The following PRKAR1A variants were observed in gnomAD, a reference collection of about 807,000 sequenced individuals.
PRKAR1A encodes cAMP-dependent protein kinase type I-alpha regulatory subunit.
PRKAR1A carries 3 observed loss-of-function variants against 52.0 expected under a neutral mutation model. The observed-to-expected ratio is 0.06, with a 90% confidence interval of 0.03 to 0.15. PRKAR1A has a LOEUF of 0.15. PRKAR1A is among the 10% of genes least tolerant of loss of function. The pLI is 1.00. For missense variants in PRKAR1A, 240 were observed against 477.4 expected, an observed-to-expected ratio of 0.50 and a Z score of 4.63; for synonymous variants, 188 against 168.4, an observed-to-expected ratio of 1.12 and a Z score of -0.90.
At chr17:68,540,191 A>G (rs1056883050) in intron 11 of PRKAR1A, among the ~76,000 whole-genome samples, 19 of 152,228 alleles carry the variant, frequency 1.2e-4, no homozygotes, top group Non-Finnish European at 4.4e-5. Flanking sequence ...TTCAAGTCTA[A>G]GGCTTTCACC....
the PRKAR1A span, chr17:68,457,526 T>TACCCCGCCCCGTCCCCACCCCGCCCCC: frequency 2.0e-6 from 1 of 497,922 alleles, no homozygotes; most frequent in Non-Finnish European, 2.5e-6. Flanking sequence ...GCCCCGCCCC[T>TACCCCGCCCCGTCCCCACCCCGCCCCC]ACCCCGCCCC....
At position 68,531,362 on chromosome 17, in the gene PRKAR1A, C is replaced by T; in HGVS notation, c.*913C>T. 1 of 1,065,836 alleles carries T rather than the reference C, an allele frequency of 9.4e-7. No homozygotes were observed. Among genetic ancestry groups the T allele is most frequent in the Non-Finnish European group, 1.1e-6 (1 of 879,488 alleles). 66.0% of individuals were successfully genotyped at this position (1,065,836 alleles called of 1,614,324 possible). A position where few individuals can be genotyped will look rare whatever the true frequency, so the allele number is the denominator to read the frequency against. ...CTTCAGCTGACTCCAGTATAATCTCCTCTGCTCATTAAACTGATTCCAGGA... is the reference window on the plus strand; with the variant it reads ...CTTCAGCTGACTCCAGTATAATCTCTTCTGCTCATTAAACTGATTCCAGGA... On this transcript the variant is annotated 3_prime_UTR_variant, in exon 11 of 11. Transcript: ENST00000589228.
the PRKAR1A span, among the ~76,000 whole-genome samples, chr17:68,456,379 C>CAGAAACTGGTACAGCAGGAAGTG: frequency 6.6e-6 from 1 of 152,180 alleles, no homozygotes; most frequent in African/African-American, 2.4e-5. Flanking sequence ...AGCCAAGGCA[C>CAGAAACTGGTACAGCAGGAAGTG]AGAAACTGGT....
chr17:68,415,031 G>T, the PRKAR1A span, among the ~76,000 whole-genome samples: 3 of 151,852 alleles, frequency 2.0e-5, no homozygotes, highest in Non-Finnish European at 2.9e-5. Context: ...ATTTCATTTA[G>T]TTCTGCTCTG....
Position 68,531,374 on chromosome 17 carries a change from A to T in PRKAR1A, c.*925A>T. On this transcript the variant is annotated 3_prime_UTR_variant, in exon 11 of 11. Transcript: ENST00000589228. ...CCAGTATAATCTCCTCTGCTCATTA[A>T]ACTGATTCCAGGAGATTGGATTTGC... 9.4e-7 allele frequency: 1 copy of T among 1,065,706 alleles called. No homozygotes were observed. The highest frequency in any genetic ancestry group is 1.1e-6 in the Non-Finnish European group (1 of 879,448). 66.0% of individuals were successfully genotyped at this position (1,065,706 alleles called of 1,614,324 possible).
chr17:68,456,200 C>T, the PRKAR1A span, among the ~76,000 whole-genome samples: 3 of 152,234 alleles, frequency 2.0e-5, no homozygotes, highest in African/African-American at 7.2e-5. Flanking sequence ...TGTAGAGCTA[C>T]TCGATTACAT....
chr17:68,443,446 G>A, the PRKAR1A span, among the ~76,000 whole-genome samples: 1 of 152,132 alleles, frequency 6.6e-6, no homozygotes, highest in Non-Finnish European at 1.5e-5. Flanking sequence ...TTTTGCCATA[G>A]CTGAAATGTG....
the PRKAR1A span, chr17:68,422,781 C>A: frequency 1.3e-5 from 2 of 149,552 alleles, no homozygotes; most frequent in African/African-American, 4.9e-5. Flanking sequence ...TACCCTTGGG[C>A]CTGATTTCCT....
chr17:68,501,223 G>T, the PRKAR1A span, among the ~76,000 whole-genome samples: 1 of 152,178 alleles, frequency 6.6e-6, no homozygotes, highest in Non-Finnish European at 1.5e-5. Flanking sequence ...CAGAACACTT[G>T]CTTCCCTTGG....
At chr17:68,430,395 C>T in the PRKAR1A span, among the ~76,000 whole-genome samples, 3 of 152,164 alleles carry the variant, frequency 2.0e-5, no homozygotes, top group Non-Finnish European at 4.4e-5. Context: ...TTAAAAGGTT[C>T]CCAATGCTAC....
chr17:68,537,500 C>T, downstream of PRKAR1A: 1 of 1,613,980 alleles, frequency 6.2e-7, no homozygotes, highest in Non-Finnish European at 8.5e-7. This position sits in a 1 kb window ranked among gnomAD's most constrained non-coding sequence, Gnocchi z 4.2. Context: ...TTAGCCTGGC[C>T]AGAGTCTGGG....
chr17:68,541,108 C>T (rs1480241979), intron 11 of PRKAR1A: 1 of 1,170,306 alleles, frequency 8.5e-7, no homozygotes, highest in African/African-American at 1.5e-5. Flanking sequence ...AGGCCCTGGG[C>T]AAGGACGCGT....
the PRKAR1A span, chr17:68,425,907 C>T: frequency 3.8e-5 from 23 of 609,542 alleles, no homozygotes; most frequent in Middle Eastern, 4.4e-4. Context: ...CTGTAGGATT[C>T]GAAGCACACA....
the PRKAR1A span, chr17:68,450,703 A>G: frequency 3.2e-6 from 5 of 1,586,104 alleles, no homozygotes; most frequent in Non-Finnish European, 4.3e-6. Context: ...GAAGCTTTGA[A>G]ACCCTGAGGG....
At chr17:68,436,541 G>A in the PRKAR1A span, 2 of 1,506,342 alleles carry the variant, frequency 1.3e-6, no homozygotes, top group Non-Finnish European at 1.8e-6. Flanking sequence ...CACGGCTGGA[G>A]AGGGCATCTG....
At chr17:68,414,079 G>T in the PRKAR1A span, 1 of 159,286 alleles carries the variant, frequency 6.3e-6, no homozygotes, top group Non-Finnish European at 1.4e-5. Flanking sequence ...CGTCTTCTGC[G>T]TCGCTCAACG....
chr17:68,456,205 T>C, the PRKAR1A span, among the ~76,000 whole-genome samples: 1,054 of 152,364 alleles, frequency 6.9e-3, 14 homozygotes, highest in African/African-American at 0.024. Context: ...AGCTACTCGA[T>C]TACATGATTA....
intron 1 of PRKAR1A, chr17:68,514,992 T>G (rs1335432104): frequency 3.6e-6 from 1 of 278,786 alleles, no homozygotes; most frequent in Non-Finnish European, 7.0e-6. Flanking sequence ...TACAGTTGAC[T>G]TTTGTGCCCT....
the PRKAR1A span, among the ~76,000 whole-genome samples, chr17:68,481,947 G>A: frequency 0.021 from 3,194 of 152,330 alleles, 138 homozygotes; most frequent in African/African-American, 0.072. Context: ...TGCGCTAGGT[G>A]CCAGGGCACA....
Sources: gnomAD v4.1 joint callset for allele counts (sites outside exome capture counted in the v4.1 genomes callset) on GRCh38, gnomAD v4.1.1 for gene constraint, Gnocchi (gnomAD v3.1) non-coding constraint, MANE v1.5 for transcripts, NCBI Gene and HGNC (gene_info 2026-07-23, HGNC 2026-07-21) for gene names.